The following RBFOX1 variants were observed in gnomAD, a reference collection of about 807,000 sequenced individuals.
The protein encoded by RBFOX1 is RNA binding fox-1 homolog 1, also known as RNA binding protein fox-1 homolog 1.
In RBFOX1, 8 loss-of-function variants were observed where a neutral mutation model predicts 57.7. The observed-to-expected ratio is 0.14, with a 90% CI of 0.08 to 0.25. The LOEUF is 0.25. Ranked by LOEUF, RBFOX1 falls within the 10% of genes least tolerant of loss-of-function variation. RBFOX1 has a pLI of 1.00. For synonymous variants in RBFOX1, 326 were observed against 222.4 expected (o/e 1.47, Z -4.15); for missense variants, 611 against 548.5 (o/e 1.11, Z -1.14).
chr16:7,585,693 G>T (rs948925347), intron 6 of RBFOX1, among the ~76,000 whole-genome samples: 23 of 152,138 alleles, frequency 1.5e-4, no homozygotes, highest in Admixed American at 4.6e-4. Context: ...TATTCAAGTG[G>T]CATATACATT....
rs936345795 is a variant in RBFOX1, at chr16:6,146,265, T to A, written c.-127+126273T>A. On this transcript the variant is annotated intron_variant, in intron 1 of 15. Transcript: ENST00000550418. ...CTTGGGTGCTCACAGCAGATAGGAA[T>A]CCACGCTTCTTTTTAAAATACACTG... 2.6e-5 allele frequency among the ~76,000 whole-genome samples: 4 copies of A among 152,210 alleles called. No individual in the cohort carries two copies. In the South Asian group the frequency reaches 8.3e-4, roughly 31 times the overall value.
intron 2 of RBFOX1, among the ~76,000 whole-genome samples, chr16:5,538,402 A>C (rs993901474): frequency 7.0e-6 from 1 of 142,210 alleles, no homozygotes; most frequent in African/African-American, 2.5e-5. Flanking sequence ...TATGCATGCC[A>C]TAATAAACTA....
chr16:5,819,009 C>T (rs888811661), intron 3 of RBFOX1, among the ~76,000 whole-genome samples: 16 of 152,174 alleles, frequency 1.1e-4, no homozygotes, highest in South Asian at 2.1e-4. Context: ...TCCTCCTCTG[C>T]TCCATTTCCC....
At chr16:6,755,912 T>G (rs11077079) in intron 3 of RBFOX1, among the ~76,000 whole-genome samples, 148,003 of 152,110 alleles carry the variant, frequency 0.97, 72,142 homozygotes, top group East Asian at 1. Context: ...ATGCACTTTT[T>G]CCATGTAGAA....
chr16:6,429,132 G>C (rs529816653), intron 2 of RBFOX1, among the ~76,000 whole-genome samples: 1 of 152,190 alleles, frequency 6.6e-6, no homozygotes, highest in African/African-American at 2.4e-5. Flanking sequence ...GTGAAATGTC[G>C]TGGCTGCCTC....
intron 3 of RBFOX1, among the ~76,000 whole-genome samples, chr16:5,836,174 A>C (rs2056450604): frequency 6.6e-6 from 1 of 152,144 alleles, no homozygotes; most frequent in African/African-American, 2.4e-5. Flanking sequence ...CGCCAGCACC[A>C]AGGGGGACAT....
rs1567369028 is a variant in RBFOX1 at position 6,478,422 on chromosome 16, TA to T, written c.-64+161366del. Among the ~76,000 whole-genome samples the T allele has an allele frequency of 6.9e-3, 114 of 16,606 alleles. 3 individuals are homozygous for T. Among genetic ancestry groups the T allele is most frequent in the African/African-American group, 0.011 (46 of 4,078 alleles). The allele number at this position is 16,606 out of a possible 152,430, so 10.9% of individuals were successfully genotyped here. On this transcript the variant is annotated intron_variant, in intron 2 of 15. Transcript: ENST00000550418. The stretch of plus-strand genomic sequence containing the variant: ...ATATATATATATATATATATATATA[TA>T]TATATATTTTTTTTTTTTTTTTTTG...
intron 1 of RBFOX1, among the ~76,000 whole-genome samples, chr16:5,334,191 A>G (rs2064838973): frequency 6.6e-6 from 1 of 152,080 alleles, no homozygotes; most frequent in African/African-American, 2.4e-5. Flanking sequence ...AGGGGAGGAT[A>G]TCTTGGGGCT....
chr16:5,681,681 C>CT (rs556569031), intron 3 of RBFOX1, among the ~76,000 whole-genome samples: 164 of 152,206 alleles, frequency 1.1e-3, no homozygotes, highest in African/African-American at 3.9e-3. Flanking sequence ...GCTTGAGCCA[C>CT]TGTGCCCGGC....
chr16:7,688,260 T>TGTGTGTGAGAGAGAGA (rs1319185243), intron 14 of RBFOX1, among the ~76,000 whole-genome samples: 1 of 125,296 alleles, frequency 8.0e-6, no homozygotes, highest in African/African-American at 3.0e-5. Flanking sequence ...TGTGTGTGTG[T>TGTGTGTGAGAGAGAGA]GAGAGAGAGA....
At chr16:6,914,954 G>A (rs879916281) in intron 3 of RBFOX1, among the ~76,000 whole-genome samples, 6 of 152,220 alleles carry the variant, frequency 3.9e-5, no homozygotes, top group Admixed American at 3.9e-4. Flanking sequence ...AAGTAAATCG[G>A]ATAGTGCCTG....
intron 2 of RBFOX1, among the ~76,000 whole-genome samples, chr16:5,593,262 G>C (rs534919894): frequency 6.6e-6 from 1 of 150,918 alleles, no homozygotes; most frequent in African/African-American, 2.4e-5. Flanking sequence ...AACACTGTAT[G>C]TTCTCACTTA....
At chr16:6,738,986 G>A (rs1568414508) in intron 3 of RBFOX1, among the ~76,000 whole-genome samples, 2 of 152,104 alleles carry the variant, frequency 1.3e-5, no homozygotes, top group African/African-American at 2.4e-5. Flanking sequence ...CGCAGCCAAA[G>A]CAGTCATTAG....
intron 4 of RBFOX1, among the ~76,000 whole-genome samples, chr16:7,331,963 C>T (rs1055779555): frequency 6.6e-6 from 1 of 152,098 alleles, no homozygotes; most frequent in East Asian, 1.9e-4. Flanking sequence ...AGTTTTGGTG[C>T]TTGTTAGCTA....
chr16:5,719,506 G>C (rs1199677716), intron 3 of RBFOX1, among the ~76,000 whole-genome samples: 3 of 151,826 alleles, frequency 2.0e-5, no homozygotes, highest in Non-Finnish European at 4.4e-5. Flanking sequence ...CACTGCCCTA[G>C]AATTTTTTTT....
At chr16:7,288,961 G>A (rs981555770) in intron 4 of RBFOX1, among the ~76,000 whole-genome samples, 3 of 152,210 alleles carry the variant, frequency 2.0e-5, no homozygotes, top group Non-Finnish European at 2.9e-5. Flanking sequence ...AGGGGTTGGA[G>A]AAAAGAAAGT....
intron 3 of RBFOX1, among the ~76,000 whole-genome samples, chr16:5,800,445 C>T (rs2055020033): frequency 6.6e-6 from 1 of 152,176 alleles, no homozygotes; most frequent in Admixed American, 6.5e-5. Context: ...ACAGGCTCTG[C>T]ACCCCCAGCA....
intron 3 of RBFOX1, among the ~76,000 whole-genome samples, chr16:6,879,906 C>A (rs1290462075): frequency 1.3e-5 from 2 of 152,170 alleles, no homozygotes; most frequent in East Asian, 3.9e-4. Context: ...CTGATCATTT[C>A]TTTTAAAATA....
At chr16:5,601,997 C>T (rs528977568), downstream of RBFOX1, among the ~76,000 whole-genome samples, 3 of 152,290 alleles carry the variant, frequency 2.0e-5, no homozygotes, top group East Asian at 3.9e-4. Context: ...CCTCTGGAGG[C>T]TGTAGAGTCT....
Sources: allele counts gnomAD v4.1 joint callset (sites outside exome capture counted in the v4.1 genomes callset), GRCh38; gene constraint gnomAD v4.1.1; transcripts MANE v1.5; gene names NCBI Gene and HGNC (gene_info 2026-07-23, HGNC 2026-07-21).